Variants in SH3BGRL observed in about 807,000 individuals in gnomAD.
The protein encoded by SH3BGRL is adapter SH3BGRL.
SH3BGRL carries 7 observed loss-of-function variants against 9.8 expected under a neutral mutation model. The observed-to-expected ratio is 0.72, with a 90% CI of 0.41 to 1.35. The LOEUF is 1.35. SH3BGRL is among the 40% of genes most tolerant of loss of function. The probability of loss-of-function intolerance (pLI) is 0.01; values close to 1 mark genes in which losing one functional copy is unlikely to be tolerated. For missense variants in SH3BGRL, 73 were observed against 84.4 expected (o/e 0.86, Z 0.53); for synonymous variants, 36 against 29.1 (o/e 1.24, Z -0.76).
At position 81,226,536 on chromosome X, in the gene SH3BGRL, C is replaced by CTA. The variant is rs777151282; in HGVS notation, c.45+24306_45+24307dup. 3.4e-3 allele frequency among the ~76,000 whole-genome samples: 339 copies of CTA among 99,272 alleles called. 7 individuals carry two copies. The highest frequency in any genetic ancestry group is 8.5e-3 in the East Asian group (28 of 3,281). 86.2% of individuals were successfully genotyped at this position (99,272 alleles called of 115,157 possible). On this transcript the variant is annotated intron_variant, in intron 1 of 3. Transcript: ENST00000373212. ...TATATATATATCTATATCTCTCTCT[C>CTA]TATATATATATATATAATTTTTGTT...
At chrX:81,205,502 G>GTATATATATA (rs770003979) in intron 1 of SH3BGRL, among the ~76,000 whole-genome samples, 11 of 88,955 alleles carry the variant, frequency 1.2e-4, no homozygotes, top group Admixed American at 4.8e-4. Flanking sequence ...GTGTGTGTGT[G>GTATATATATA]TGTATATATA....
At chrX:81,217,506 G>A (rs1174639823) in intron 1 of SH3BGRL, among the ~76,000 whole-genome samples, 2 of 111,192 alleles carry the variant, frequency 1.8e-5, no homozygotes, top group African/African-American at 6.5e-5. Context: ...TTTCACTGTT[G>A]ACTCAAAGAT....
At chrX:81,216,323 T>TA (rs979352211) in intron 1 of SH3BGRL, among the ~76,000 whole-genome samples, 3 of 111,190 alleles carry the variant, frequency 2.7e-5, no homozygotes, top group Non-Finnish European at 5.7e-5. Flanking sequence ...ACAGAGTAGG[T>TA]ACACATATTT....
chrX:81,231,510 G>A (rs1191086656), intron 1 of SH3BGRL, among the ~76,000 whole-genome samples: 1 of 112,165 alleles, frequency 8.9e-6, no homozygotes, highest in Non-Finnish European at 1.9e-5. Flanking sequence ...AATCAATTCC[G>A]TCTGAACCTA....
At chrX:81,250,799 C>T (rs2075707331) in intron 1 of SH3BGRL, among the ~76,000 whole-genome samples, 1 of 112,048 alleles carries the variant, frequency 8.9e-6, no homozygotes, top group African/African-American at 3.2e-5. Flanking sequence ...GCCACGTTTT[C>T]CTTCAATTGT....
chrX:81,250,530 A>G (rs1171710624), intron 1 of SH3BGRL, among the ~76,000 whole-genome samples: 2 of 112,107 alleles, frequency 1.8e-5, no homozygotes, highest in African/African-American at 3.2e-5. Flanking sequence ...TTGGTGTTGT[A>G]CTCCATCCTC....
At chrX:81,203,319 G>A (rs1205586313) in intron 1 of SH3BGRL, among the ~76,000 whole-genome samples, 1 of 111,562 alleles carries the variant, frequency 9.0e-6, no homozygotes, top group African/African-American at 3.3e-5. Flanking sequence ...ATTTACACCT[G>A]AGAGGATGTG....
chrX:81,272,540 G>A (rs1052051949), intron 1 of SH3BGRL, among the ~76,000 whole-genome samples: 4 of 96,701 alleles, frequency 4.1e-5, no homozygotes, highest in East Asian at 3.2e-4. Context: ...TCGTTCTGCC[G>A]CCCAGGCTGG....
chrX:81,208,346 G>T (rs1205970418), intron 1 of SH3BGRL, among the ~76,000 whole-genome samples: 1 of 111,876 alleles, frequency 8.9e-6, no homozygotes, highest in Admixed American at 9.4e-5. Flanking sequence ...GTTGAGGAAG[G>T]GTTTTGATCA....
intron 1 of SH3BGRL, among the ~76,000 whole-genome samples, chrX:81,212,494 T>C (rs1195079908): frequency 1.8e-5 from 2 of 111,605 alleles, no homozygotes; most frequent in East Asian, 2.8e-4. Context: ...GTAAAAAATA[T>C]TGTGAAAAAA....
intron 1 of SH3BGRL, among the ~76,000 whole-genome samples, chrX:81,209,673 T>C (rs1313227196): frequency 8.9e-6 from 1 of 111,795 alleles, no homozygotes; most frequent in Non-Finnish European, 1.9e-5. Context: ...GATTTTGAAA[T>C]ACAATTGCCA....
Position 81,222,290 on chromosome X carries a change from T to A in SH3BGRL, c.45+20045T>A, listed in dbSNP as rs1414097948. ...GCACCCATTAACTCGTCATTTAACA[T>A]TAGGTATATCTCCTAATGCTATCCC... On this transcript the variant is annotated intron_variant, in intron 1 of 3. Transcript: ENST00000373212. Among the ~76,000 whole-genome samples the A allele has an allele frequency of 4.6e-5, 5 of 108,309 alleles. No individual in the cohort carries two copies. In the East Asian group the frequency reaches 1.5e-3, roughly 33 times the overall value. The allele number at this position is 108,309 out of a possible 115,157, so 94.1% of individuals were successfully genotyped here.
chrX:81,203,489 T>C (rs935340483), intron 1 of SH3BGRL, among the ~76,000 whole-genome samples: 1 of 112,319 alleles, frequency 8.9e-6, no homozygotes, highest in Admixed American at 9.4e-5. Flanking sequence ...GAACACCTTT[T>C]ATATTTCCTT....
At chrX:81,209,605 C>T (rs1372710926) in intron 1 of SH3BGRL, among the ~76,000 whole-genome samples, 5 of 111,364 alleles carry the variant, frequency 4.5e-5, no homozygotes, top group Non-Finnish European at 9.4e-5. Flanking sequence ...ATTTACACAT[C>T]CTCTGTTTAT....
chrX:81,233,313 G>A (rs1250014272), intron 1 of SH3BGRL, among the ~76,000 whole-genome samples: 3 of 111,982 alleles, frequency 2.7e-5, no homozygotes, highest in African/African-American at 9.7e-5. Context: ...TGCATACGTA[G>A]AGCTTTGTAG....
At chrX:81,213,365 T>C (rs945562899) in intron 1 of SH3BGRL, among the ~76,000 whole-genome samples, 5 of 112,581 alleles carry the variant, frequency 4.4e-5, no homozygotes, top group African/African-American at 1.6e-4. Context: ...TGTGTATGTT[T>C]TAGTAAAAAT....
chrX:81,210,258 AGTT>A (rs1336558985), intron 1 of SH3BGRL, among the ~76,000 whole-genome samples: 1 of 111,438 alleles, frequency 9.0e-6, no homozygotes, highest in African/African-American at 3.3e-5. Flanking sequence ...CCTTTCAGCC[AGTT>A]GTTTCATTAT....
intron 2 of SH3BGRL, among the ~76,000 whole-genome samples, chrX:81,278,076 C>G: frequency 9.0e-6 from 1 of 111,713 alleles, no homozygotes; most frequent in Non-Finnish European, 1.9e-5. Flanking sequence ...GATTCTCCTG[C>G]CGCAACCTTC....
At chrX:81,205,528 A>C (rs2075544842) in intron 1 of SH3BGRL, among the ~76,000 whole-genome samples, 1 of 104,439 alleles carries the variant, frequency 9.6e-6, no homozygotes, top group Admixed American at 1.0e-4. Flanking sequence ...ATATATATAT[A>C]TATCACATTT....
Sources: allele counts gnomAD v4.1 joint callset (sites outside exome capture counted in the v4.1 genomes callset), GRCh38; gene constraint gnomAD v4.1.1; transcripts MANE v1.5; gene names NCBI Gene and HGNC (gene_info 2026-07-23, HGNC 2026-07-21).